Variants in C1QTNF9 observed in about 807,000 individuals in gnomAD.
C1QTNF9 encodes the protein C1q and TNF related 9, also known as complement C1q and tumor necrosis factor-related protein 9A.
Under a neutral mutation model 10.1 loss-of-function variants are expected in C1QTNF9, and 6 were observed. The observed-to-expected ratio is 0.59, with a 90% CI of 0.32 to 1.17. The LOEUF (loss-of-function observed/expected upper bound fraction) is 1.17, where lower values mean the gene tolerates loss of function less well. Ranked by LOEUF, C1QTNF9 falls within the 50% of genes most tolerant of loss-of-function variation. C1QTNF9 has a pLI of 0.04. For synonymous variants in C1QTNF9, 98 were observed against 163.5 expected (o/e 0.60, Z 3.06); for missense variants, 201 against 418.8 (o/e 0.48, Z 4.54).
rs1453341053 is a variant in C1QTNF9 at position 24,314,780 on chromosome 13, C to CT, written c.-22-1201dup. On this transcript the variant is annotated intron_variant, in intron 1 of 3. Transcript: ENST00000332018. ...AATCGCTTGAGCTGGGAGGTTGAGA[C>CT]TACAGTGAGCTGTGATTGCATGACT... 3.9e-5 allele frequency among the ~76,000 whole-genome samples: 6 copies of CT among 152,138 alleles called. No individual in the cohort carries two copies. The South Asian group carries it at 1.2e-3, about 32-fold the overall frequency.
chr13:24,309,308 T>TATATATATATATATATATATATA (rs1480664232), upstream of C1QTNF9, among the ~76,000 whole-genome samples: 4 of 141,556 alleles, frequency 2.8e-5, no homozygotes, highest in Non-Finnish European at 4.6e-5. Flanking sequence ...TATATATATA[T>TATATATATATATATATATATATA]GAAAGAAACC....
intron 3 of C1QTNF9, among the ~76,000 whole-genome samples, chr13:24,320,765 G>T (rs1480330339): frequency 6.6e-6 from 1 of 151,120 alleles, no homozygotes; most frequent in Non-Finnish European, 1.5e-5. Flanking sequence ...TGGCCAGGTT[G>T]GTCTTGAACT....
At chr13:24,312,060 T>C (rs7331114) in intron 1 of C1QTNF9, among the ~76,000 whole-genome samples, 28,490 of 152,160 alleles carry the variant, frequency 0.19, 3,506 homozygotes, top group African/African-American at 0.35. Flanking sequence ...AAATTTCTAT[T>C]ACTCTGGATG....
At chr13:24,311,233 A>G (rs1326757328) in intron 1 of C1QTNF9, among the ~76,000 whole-genome samples, 7 of 152,242 alleles carry the variant, frequency 4.6e-5, no homozygotes, top group Non-Finnish European at 1.0e-4. Flanking sequence ...AAAATTAATC[A>G]GGAAGAGGGC....
chr13:24,312,950 A>G (rs534939943), intron 1 of C1QTNF9, among the ~76,000 whole-genome samples: 4 of 119,522 alleles, frequency 3.3e-5, no homozygotes, highest in East Asian at 2.8e-4. Flanking sequence ...GCGAGACTCT[A>G]TCTCAAAAAA....
chr13:24,310,619 A>G (rs1455203869), intron 1 of C1QTNF9, among the ~76,000 whole-genome samples: 1 of 151,572 alleles, frequency 6.6e-6, no homozygotes, highest in Non-Finnish European at 1.5e-5. Flanking sequence ...AACTGTCAAG[A>G]TATGTTGAAG....
At position 24,316,142 on chromosome 13, in the gene C1QTNF9, G is replaced by A. The variant is rs759995230; in HGVS notation, c.139G>A (p.Gly47Arg). The change falls in exon 2 of 4, where the codon GGA (glycine) becomes AGA (arginine). Residue 47 changes from glycine (G) to arginine (R), a missense_variant. Gly to Arg is a moderately radical substitution (Grantham distance 125, BLOSUM62 -2). Around this residue, in one of 3 missense-constraint regions of C1QTNF9, gnomAD observed 53 missense variants for 81.6 expected, o/e 0.65. Coordinates refer to ENST00000332018, the Ensembl canonical transcript of C1QTNF9. ...TCTGCCTGGAAGAGATGGACGAGAC[G>A]GAGCGAAGGGTGACAAAGGCGATGC... 5.6e-6 allele frequency: 9 copies of A among 1,607,690 alleles called. No individual in the cohort carries two copies. The highest frequency in any genetic ancestry group is 2.2e-5 in the South Asian group (2 of 90,668).
intron 1 of C1QTNF9, among the ~76,000 whole-genome samples, chr13:24,311,135 G>A (rs543235834): frequency 6.6e-6 from 1 of 152,140 alleles, no homozygotes; most frequent in Non-Finnish European, 1.5e-5. Flanking sequence ...TTTCTAGCAG[G>A]TTTACATTAA....
At chr13:24,321,186 C>A in exon 4 of C1QTNF9, 1 of 1,385,998 alleles carries the variant, frequency 7.2e-7, no homozygotes, top group African/African-American at 1.6e-5. Flanking sequence ...GGCCAAGGGG[C>A]AACATTGGGC....
intron 1 of C1QTNF9, among the ~76,000 whole-genome samples, chr13:24,312,910 G>A (rs893931109): frequency 3.4e-5 from 5 of 148,378 alleles, no homozygotes; most frequent in East Asian, 4.0e-4. Context: ...AGCCAAGATC[G>A]CGCCACTGCA....
chr13:24,317,287 T>TGTGTGTGTGTGTG (rs56654126), intron 2 of C1QTNF9, among the ~76,000 whole-genome samples: 1 of 144,118 alleles, frequency 6.9e-6, no homozygotes, highest in Non-Finnish European at 1.5e-5. Flanking sequence ...GTGTGTGTAT[T>TGTGTGTGTGTGTG]GTATTTCTGA....
rs377551281 is a variant in C1QTNF9 at position 24,321,785 on chromosome 13, A to C, written c.*17A>C. 5 of 1,535,794 alleles carry C rather than the reference A, an allele frequency of 3.3e-6. No homozygotes were observed. In the African/African-American group the frequency reaches 6.9e-5, roughly 21 times the overall value. On this transcript the variant is annotated 3_prime_UTR_variant, in exon 4 of 4. Transcript: ENST00000332018. ...AGCCCGTGACAGAGGAGAGTTTAAA[A>C]ATCCGCCACACCATCCATCAGAATC...
chr13:24,321,791 C>A, exon 4 of C1QTNF9: 6 of 1,528,608 alleles, frequency 3.9e-6, no homozygotes, highest in Non-Finnish European at 5.3e-6. Flanking sequence ...TAAAAATCCG[C>A]CACACCATCC....
chr13:24,311,642 C>A (rs1156833930), intron 1 of C1QTNF9, among the ~76,000 whole-genome samples: 3 of 152,196 alleles, frequency 2.0e-5, no homozygotes, highest in Non-Finnish European at 4.4e-5. Context: ...TGAAGAGCGG[C>A]CGCACCTTGG....
intron 1 of C1QTNF9, among the ~76,000 whole-genome samples, chr13:24,315,054 A>C (rs1877975473): frequency 6.6e-6 from 1 of 152,118 alleles, no homozygotes; most frequent in South Asian, 2.1e-4. Context: ...ATATAACATA[A>C]AACGTAAAAC....
At chr13:24,307,662 C>A (rs541284582), upstream of C1QTNF9, among the ~76,000 whole-genome samples, 2 of 152,314 alleles carry the variant, frequency 1.3e-5, no homozygotes, top group South Asian at 4.1e-4. Flanking sequence ...GAAGGGCGGT[C>A]GCTAGGGTGG....
upstream of C1QTNF9, among the ~76,000 whole-genome samples, chr13:24,309,305 A>ATATG (rs1877726452): frequency 3.0e-5 from 4 of 132,330 alleles, no homozygotes; most frequent in African/African-American, 1.2e-4. Flanking sequence ...ATATATATAT[A>ATATG]TATGAAAGAA....
At chr13:24,314,385 A>T (rs1323474242) in intron 1 of C1QTNF9, among the ~76,000 whole-genome samples, 3 of 151,906 alleles carry the variant, frequency 2.0e-5, no homozygotes, top group Non-Finnish European at 4.4e-5. Context: ...AAAGAAAAAA[A>T]AAAAAAGAAA....
chr13:24,312,723 G>A (rs1329046818), intron 1 of C1QTNF9, among the ~76,000 whole-genome samples: 3 of 151,940 alleles, frequency 2.0e-5, no homozygotes, highest in Non-Finnish European at 2.9e-5. Context: ...TTGGGAGGCC[G>A]AGGTGGGCGA....
Sources: allele counts gnomAD v4.1 joint callset (sites outside exome capture counted in the v4.1 genomes callset), GRCh38; gene constraint gnomAD v4.1.1; regional missense constraint gnomAD v4.1.1; transcripts MANE v1.5; gene names NCBI Gene and HGNC (gene_info 2026-07-23, HGNC 2026-07-21).